DIAPH3: variants seen among roughly 807,000 people sequenced by gnomAD.
The protein encoded by DIAPH3 is protein diaphanous homolog 3.
DIAPH3 carries 117 observed loss-of-function variants against 144.3 expected under a neutral mutation model. That is an observed-to-expected ratio of 0.81 (90% CI 0.70 to 0.95). The LOEUF (loss-of-function observed/expected upper bound fraction) is 0.95. Ranked by LOEUF, DIAPH3 falls within the 40% of genes least tolerant of loss-of-function variation. DIAPH3 has a pLI of 0.00. For missense variants in DIAPH3, 1,421 were observed against 1,412.7 expected (o/e 1.01, Z -0.09); for synonymous variants, 519 against 488.9 (o/e 1.06, Z -0.81).
chr13:59,979,268 C>T (rs1185915205), intron 14 of DIAPH3, among the ~76,000 whole-genome samples: 1 of 151,540 alleles, frequency 6.6e-6, no homozygotes, highest in African/African-American at 2.4e-5. Context: ...TTCATATATA[C>T]TATATACCTA....
chr13:59,797,203 C>T (rs1458986108), intron 25 of DIAPH3, among the ~76,000 whole-genome samples: 1 of 152,104 alleles, frequency 6.6e-6, no homozygotes, highest in African/African-American at 2.4e-5. Context: ...ATTTTGTTCT[C>T]CTTATAAGTT....
At chr13:59,944,409 T>C (rs1177353748) in intron 17 of DIAPH3, among the ~76,000 whole-genome samples, 2 of 152,202 alleles carry the variant, frequency 1.3e-5, no homozygotes, top group Non-Finnish European at 2.9e-5. Flanking sequence ...TATGCATTTG[T>C]ATACATACAG....
chr13:59,676,188 A>ACCACC (rs2032639378), intron 27 of DIAPH3, among the ~76,000 whole-genome samples: 1 of 152,224 alleles, frequency 6.6e-6, no homozygotes, highest in Non-Finnish European at 1.5e-5. Context: ...CACCTAGCCA[A>ACCACC]TGCTCGAATT....
At chr13:59,953,801 T>C (rs2049230066) in intron 17 of DIAPH3, among the ~76,000 whole-genome samples, 1 of 152,192 alleles carries the variant, frequency 6.6e-6, no homozygotes, top group Non-Finnish European at 1.5e-5. Flanking sequence ...ATACAAAGTA[T>C]ATGATAAATG....
At chr13:59,760,187 G>C (rs1419011686) in intron 27 of DIAPH3, among the ~76,000 whole-genome samples, 2 of 152,150 alleles carry the variant, frequency 1.3e-5, no homozygotes, top group Non-Finnish European at 2.9e-5. Context: ...TCTCATTTGA[G>C]AAGCTGCCTG....
intron 24 of DIAPH3, among the ~76,000 whole-genome samples, chr13:59,830,275 A>G (rs2041704747): frequency 6.6e-6 from 1 of 151,824 alleles, no homozygotes; most frequent in South Asian, 2.1e-4. Context: ...TAAAATTTAA[A>G]CAATATAACC....
rs185247813 is a variant in DIAPH3, at chr13:60,095,032, G to T, written c.391-1300C>A. ...TTGGAAATTTTGGAAACTTCTGGAGGCATGTTAGTTGTCACAATAATTGAG... is the reference window on the plus strand; with the variant it reads ...TTGGAAATTTTGGAAACTTCTGGAGTCATGTTAGTTGTCACAATAATTGAG... On this transcript the variant is annotated intron_variant, in intron 3 of 27. Transcript: ENST00000400324. Among the ~76,000 whole-genome samples the T allele has an allele frequency of 1.1e-3, 117 of 106,132 alleles. 1 individual carries two copies. Among genetic ancestry groups the T allele is most frequent in the Non-Finnish European group, 2.3e-4 (11 of 47,590 alleles). The allele number at this position is 106,132 out of a possible 152,430, so 69.6% of individuals were successfully genotyped here.
chr13:59,709,062 T>G (rs1427322639), intron 27 of DIAPH3, among the ~76,000 whole-genome samples: 1 of 151,876 alleles, frequency 6.6e-6, no homozygotes, highest in African/African-American at 2.4e-5. Flanking sequence ...CTGTAAAAAA[T>G]GCAGATCTAT....
rs3078724 is a variant in DIAPH3, at chr13:59,993,702, TAAAAA to T, written c.1015-1124_1015-1120del. ...GAGAGAGGAAGAAGAGAAACATACT[TAAAAA>T]AAAAAAAAAAAAAAACTTAACAGAA... On this transcript the variant is annotated intron_variant, in intron 9 of 27. Coordinates refer to ENST00000400324, the MANE Select transcript of DIAPH3 (RefSeq NM_001042517.2). Among the ~76,000 whole-genome samples the T allele has an allele frequency of 6.2e-3, 459 of 73,888 alleles. 10 individuals are homozygous for T. Among genetic ancestry groups the T allele is most frequent in the African/African-American group, 0.027 (446 of 16,490 alleles). 48.5% of individuals were successfully genotyped at this position (73,888 alleles called of 152,430 possible).
chr13:60,093,793 C>G (rs2058026656), intron 3 of DIAPH3, 61 bp from the exon 4 acceptor site: 1 of 1,054,470 alleles, frequency 9.5e-7, no homozygotes, highest in African/African-American at 1.6e-5. Flanking sequence ...ATTCTACATG[C>G]ACTACAAATG....
intron 4 of DIAPH3, among the ~76,000 whole-genome samples, chr13:60,087,194 T>C (rs992707941): frequency 1.3e-5 from 2 of 152,208 alleles, no homozygotes; most frequent in African/African-American, 4.8e-5. Context: ...GTTGAATTCA[T>C]GGATGCAAAA....
intron 27 of DIAPH3, among the ~76,000 whole-genome samples, chr13:59,676,386 A>G (rs1364219741): frequency 6.6e-6 from 1 of 152,134 alleles, no homozygotes; most frequent in Admixed American, 6.5e-5. Context: ...GATTTTTTCC[A>G]TTAGGGCTGT....
chr13:60,019,267 A>G (rs1462799479), intron 5 of DIAPH3, among the ~76,000 whole-genome samples: 1 of 152,192 alleles, frequency 6.6e-6, no homozygotes, highest in African/African-American at 2.4e-5. Flanking sequence ...ACGAACTAAA[A>G]TCTGCACTAT....
At chr13:59,776,650 A>G (rs1489564560) in intron 25 of DIAPH3, among the ~76,000 whole-genome samples, 1 of 152,178 alleles carries the variant, frequency 6.6e-6, no homozygotes, top group Non-Finnish European at 1.5e-5. Flanking sequence ...AAAGAATCCA[A>G]GTAACTTTTG....
At chr13:60,132,605 T>C (rs1166181790) in intron 2 of DIAPH3, among the ~76,000 whole-genome samples, 1 of 152,156 alleles carries the variant, frequency 6.6e-6, no homozygotes, top group Non-Finnish European at 1.5e-5. Flanking sequence ...CTTACTTTAA[T>C]TAGCAACTAC....
At chr13:59,826,087 A>G (rs2041398697) in intron 24 of DIAPH3, among the ~76,000 whole-genome samples, 1 of 152,194 alleles carries the variant, frequency 6.6e-6, no homozygotes, top group Admixed American at 6.6e-5. Context: ...CTGAATGGGA[A>G]TAAACTGGAA....
At chr13:60,035,049 A>G (rs1348451652) in intron 5 of DIAPH3, among the ~76,000 whole-genome samples, 1 of 152,146 alleles carries the variant, frequency 6.6e-6, no homozygotes, top group Non-Finnish European at 1.5e-5. Flanking sequence ...TATATATACC[A>G]TATATATGTA....
chr13:60,130,182 T>C (rs2059104170), intron 2 of DIAPH3, among the ~76,000 whole-genome samples: 1 of 152,220 alleles, frequency 6.6e-6, no homozygotes, highest in Admixed American at 6.5e-5. Context: ...TTCTACACTG[T>C]ATCAGTCAAC....
chr13:59,825,986 C>A, intron 24 of DIAPH3, among the ~76,000 whole-genome samples: 1 of 152,126 alleles, frequency 6.6e-6, no homozygotes, highest in Non-Finnish European at 1.5e-5. Flanking sequence ...CAACAACCTT[C>A]ATGCTAAAAA....
Sources: gnomAD v4.1 joint callset for allele counts (sites outside exome capture counted in the v4.1 genomes callset) on GRCh38, gnomAD v4.1.1 for gene constraint, MANE v1.5 for transcripts, NCBI Gene and HGNC (gene_info 2026-07-23, HGNC 2026-07-21) for gene names.